CDH23: variants seen among roughly 807,000 people sequenced by gnomAD.
The protein encoded by CDH23 is cadherin-23.
A neutral mutation model predicts 317.1 loss-of-function variants in CDH23; 189 were observed. The observed-to-expected ratio is 0.60, with a 90% CI of 0.53 to 0.67. CDH23 has a LOEUF of 0.67. Ranked by LOEUF, CDH23 falls within the 30% of genes least tolerant of loss-of-function variation. The pLI is 0.00. For synonymous variants in CDH23, 1,839 were observed against 1,876.8 expected (o/e 0.98, Z 0.52); for missense variants, 4,401 against 4,592.4 (o/e 0.96, Z 1.20).
chr10:71,555,173 A>G (rs1856811711), intron 6 of CDH23, among the ~76,000 whole-genome samples: 1 of 152,124 alleles, frequency 6.6e-6, no homozygotes, highest in African/African-American at 2.4e-5. Flanking sequence ...TCATACCTTT[A>G]TTCTTGGTTT....
At position 71,799,214 on chromosome 10, in the gene CDH23, C is replaced by T. The variant is rs2132968004; in HGVS notation, c.7158C>T (p.Ile2386=). The T allele has an allele frequency of 1.2e-6, 2 of 1,614,064 alleles. No homozygotes were observed. The highest frequency in any genetic ancestry group is 8.5e-7 in the Non-Finnish European group (1 of 1,179,904). Residue 2386 remains isoleucine (I), a synonymous_variant, in exon 51 of 70, where the codon ATC becomes ATT. Transcript: ENST00000224721. ...DNGSPPRAAE[I]PVYLEIVDIN... ...GGTCCCCGCCCCGGGCAGCTGAGAT[C>T]CCTGTCTACCTGGAAATCGTGGACA...
intron 9 of CDH23, among the ~76,000 whole-genome samples, chr10:71,597,177 G>A (rs1859910907): frequency 6.6e-6 from 1 of 152,076 alleles, no homozygotes; most frequent in South Asian, 2.1e-4. Flanking sequence ...ACCCAGGCCT[G>A]GGCAGGAACC....
rs1841500249 is a variant in CDH23, at chr10:71,799,619, A to G, written c.7352A>G (p.Asn2451Ser). Residue 2451 changes from asparagine to serine, a missense_variant, in exon 52 of 70, where the codon AAC becomes AGC. Physicochemically the swap from Asn to Ser is conservative, Grantham distance 46. Around this residue, in one of 3 missense-constraint regions of CDH23, gnomAD observed 189 missense variants for 250.9 expected, o/e 0.75. Coordinates refer to ENST00000224721, the MANE Select transcript of CDH23 (RefSeq NM_022124.6). ...GATGGAGAGAGCAAGTTTGCCATCAACCCCACCACGGTGAGCAGTGATGGA... is the reference window on the plus strand; with the variant it reads ...GATGGAGAGAGCAAGTTTGCCATCAGCCCCACCACGGTGAGCAGTGATGGA... ...LGDGESKFAI[N>S]PTTGDIYVLS... 1 of 1,614,006 alleles carries G rather than the reference A, an allele frequency of 6.2e-7. No homozygotes were observed. Among genetic ancestry groups the G allele is most frequent in the East Asian group, 2.2e-5 (1 of 44,878 alleles).
rs1858344519 is a variant in CDH23, at chr10:71,578,078, T to C, written c.832+86T>C. Reference sequence around the variant, plus strand: ...AGTAGGCATCTCAGGCTCTGAGGGCTAAGGAGAGGTCTGCGGGCATGTGGG... The same window carrying C: ...AGTAGGCATCTCAGGCTCTGAGGGCCAAGGAGAGGTCTGCGGGCATGTGGG... On this transcript the variant is annotated intron_variant, in intron 9 of 69. Transcript: ENST00000224721. 3.0e-6 allele frequency: 4 copies of C among 1,337,710 alleles called. No individual in the cohort carries two copies. The South Asian group carries it at 5.0e-5, about 17-fold the overall frequency. The allele number at this position is 1,337,710 out of a possible 1,614,324, so 82.9% of individuals were successfully genotyped here.
intron 11 of CDH23, among the ~76,000 whole-genome samples, chr10:71,640,761 A>C (rs1203562601): frequency 6.6e-6 from 1 of 152,134 alleles, no homozygotes; most frequent in Non-Finnish European, 1.5e-5. Flanking sequence ...CTGAAAAAAA[A>C]AGAAAAAGAA....
At chr10:71,440,145 T>C (rs903032712) in intron 2 of CDH23, among the ~76,000 whole-genome samples, 1 of 152,092 alleles carries the variant, frequency 6.6e-6, no homozygotes, top group African/African-American at 2.4e-5. Context: ...CCTTGAGAAA[T>C]ACTTGAGCTC....
intron 38 of CDH23, among the ~76,000 whole-genome samples, chr10:71,765,417 G>C (rs924506598): frequency 2.6e-5 from 4 of 152,234 alleles, no homozygotes; most frequent in African/African-American, 9.6e-5. Flanking sequence ...GATGCGCAAA[G>C]CTGAGCTGGG....
intron 1 of CDH23, among the ~76,000 whole-genome samples, chr10:71,411,696 C>G (rs997812018): frequency 6.6e-6 from 1 of 152,108 alleles, no homozygotes; most frequent in African/African-American, 2.4e-5. Flanking sequence ...AAGGAGAAAG[C>G]TTTCAATATT....
intron 47 of CDH23, among the ~76,000 whole-genome samples, chr10:71,792,701 A>G (rs1841283267): frequency 6.6e-6 from 1 of 151,244 alleles, no homozygotes; most frequent in South Asian, 2.1e-4. Flanking sequence ...GGGTGCCTGT[A>G]ATCCCAGCTA....
chr10:71,602,663 G>A (rs746628375), intron 9 of CDH23, among the ~76,000 whole-genome samples: 5 of 152,060 alleles, frequency 3.3e-5, no homozygotes, highest in East Asian at 1.9e-4. Context: ...ACCCTGCCCC[G>A]CTCTGCCCAT....
At chr10:71,533,696 G>A (rs981562877) in intron 6 of CDH23, among the ~76,000 whole-genome samples, 2 of 152,104 alleles carry the variant, frequency 1.3e-5, no homozygotes, top group African/African-American at 4.8e-5. Context: ...CTCCTCTTTG[G>A]CACTGGAGAG....
At chr10:71,535,584 A>G (rs11599279) in intron 6 of CDH23, among the ~76,000 whole-genome samples, 32,968 of 152,244 alleles carry the variant, frequency 0.22, 4,113 homozygotes, top group African/African-American at 0.33. Flanking sequence ...ACACCCTCGC[A>G]TGGGCTTTCA....
chr10:71,538,509 A>G (rs1245208972), intron 6 of CDH23, among the ~76,000 whole-genome samples: 1 of 152,134 alleles, frequency 6.6e-6, no homozygotes, highest in Admixed American at 6.5e-5. Flanking sequence ...CGCCCCAGCC[A>G]AAAGCCATTT....
chr10:71,494,618 T>A (rs761589866), intron 3 of CDH23, among the ~76,000 whole-genome samples: 19 of 152,212 alleles, frequency 1.2e-4, no homozygotes, highest in Admixed American at 3.9e-4. Flanking sequence ...ATACGGTAGA[T>A]GCTCAATAAA....
intron 9 of CDH23, among the ~76,000 whole-genome samples, chr10:71,605,711 G>A (rs920604786): frequency 1.3e-5 from 2 of 152,072 alleles, no homozygotes; most frequent in Non-Finnish European, 2.9e-5. Context: ...CATCTCTTCT[G>A]CAACGTTTTA....
chr10:71,781,594 G>A (rs973955643), intron 41 of CDH23, among the ~76,000 whole-genome samples: 1 of 152,156 alleles, frequency 6.6e-6, no homozygotes, highest in African/African-American at 2.4e-5. Context: ...TCCATGCCAT[G>A]GCCTTTAAGC....
In CDH23 at chr10:71,740,915, G is replaced by A. The variant is rs201533282; in HGVS notation, c.4582G>A (p.Glu1528Lys). 193 of 1,613,964 alleles carry A rather than the reference G, an allele frequency of 1.2e-4. No individual in the cohort carries two copies. Among genetic ancestry groups the A allele is most frequent in the Non-Finnish European group, 1.4e-4 (168 of 1,179,878 alleles). Residue 1528 changes from glutamate (E) to lysine (K), a missense_variant, in exon 37 of 70, where the codon GAG becomes AAG. Around this residue, in one of 3 missense-constraint regions of CDH23, gnomAD observed 3,068 missense variants for 3,203.3 expected, o/e 0.96. Coordinates refer to ENST00000224721, the MANE Select transcript of CDH23 (RefSeq NM_022124.6). ...LDINDNPPVI[E>K]SPFGYNVSVN... ...CATCAATGACAACCCTCCAGTCATC[G>A]AGAGCCCCTTTGGATACAATGTCAG... is the stretch of plus-strand genomic sequence containing the variant.
In CDH23 at chr10:71,677,630, G is replaced by A; in HGVS notation, c.1689G>A (p.Lys563=). 1 of 1,595,800 alleles carries A rather than the reference G, an allele frequency of 6.3e-7. No homozygotes were observed. Among genetic ancestry groups the A allele is most frequent in the Non-Finnish European group, 8.5e-7 (1 of 1,171,538 alleles). ...DVNDNVPTFQ[K]DAYVGALREN... ...ACGACAACGTGCCCACCTTCCAGAA[G>A]GATGCCTACGTGGGTGCTCTGCGGG... The change falls in exon 16 of 70, where the codon AAG becomes AAA. Residue 563 remains lysine (K), a synonymous_variant. Coordinates refer to ENST00000224721, the MANE Select transcript of CDH23 (RefSeq NM_022124.6).
intron 1 of CDH23, among the ~76,000 whole-genome samples, chr10:71,439,243 C>T (rs775219594): frequency 1.1e-4 from 17 of 152,114 alleles, no homozygotes; most frequent in Non-Finnish European, 1.9e-4. Context: ...GACACCATGA[C>T]CTGCTGCATC....
Sources: allele counts gnomAD v4.1 joint callset (sites outside exome capture counted in the v4.1 genomes callset), GRCh38; gene constraint gnomAD v4.1.1; regional missense constraint gnomAD v4.1.1; transcripts MANE v1.5; gene names NCBI Gene and HGNC (gene_info 2026-07-23, HGNC 2026-07-21).